HECW1: variants seen among roughly 807,000 people sequenced by gnomAD.
HECW1 encodes E3 ubiquitin-protein ligase HECW1.
Under a neutral mutation model 182.3 loss-of-function variants are expected in HECW1, and 61 were observed. That is an observed-to-expected ratio of 0.33 (90% CI 0.27 to 0.41). The LOEUF (loss-of-function observed/expected upper bound fraction) is 0.41, where lower values mean the gene tolerates loss of function less well. Ranked by LOEUF, HECW1 falls within the 10% of genes least tolerant of loss-of-function variation. HECW1 has a pLI of 1.00. For synonymous variants in HECW1, 859 were observed against 832.6 expected (o/e 1.03, Z -0.55); for missense variants, 1,739 against 2,108.9 (o/e 0.82, Z 3.44).
intron 2 of HECW1, among the ~76,000 whole-genome samples, chr7:43,183,042 C>T (rs1793023289): frequency 6.6e-6 from 1 of 152,122 alleles, no homozygotes; most frequent in South Asian, 2.1e-4. Context: ...ATCACTATAT[C>T]TTTATTTTAA....
chr7:43,518,832 A>C (rs1314567683), intron 24 of HECW1, among the ~76,000 whole-genome samples: 1 of 152,206 alleles, frequency 6.6e-6, no homozygotes, highest in Non-Finnish European at 1.5e-5. Flanking sequence ...ATAACGATCA[A>C]ATTGCCAAAA....
At chr7:43,463,336 T>G (rs1276664219) in intron 13 of HECW1, among the ~76,000 whole-genome samples, 7 of 152,210 alleles carry the variant, frequency 4.6e-5, no homozygotes, top group Non-Finnish European at 5.9e-5. Context: ...TTAATTTACT[T>G]CCCACACTCT....
At chr7:43,332,198 A>AAAAT (rs757716420) in intron 5 of HECW1, among the ~76,000 whole-genome samples, 13 of 152,198 alleles carry the variant, frequency 8.5e-5, no homozygotes, top group Non-Finnish European at 1.5e-4. Flanking sequence ...GATCTCTACA[A>AAAAT]AAATAAATAA....
At chr7:43,426,428 GA>G (rs1562962735) in intron 8 of HECW1, among the ~76,000 whole-genome samples, 1 of 152,170 alleles carries the variant, frequency 6.6e-6, no homozygotes, top group Non-Finnish European at 1.5e-5. Flanking sequence ...TGACCAAGGA[GA>G]AAGGGTCTCT....
At chr7:43,522,215 T>C (rs10487674) in intron 24 of HECW1, 17,680 of 152,222 alleles carry the variant, frequency 0.12, 1,231 homozygotes, top group East Asian at 0.37. Context: ...CATATTAGAC[T>C]TCTCTGATTA....
At chr7:43,250,032 A>T (rs1050002554) in intron 3 of HECW1, among the ~76,000 whole-genome samples, 2 of 151,752 alleles carry the variant, frequency 1.3e-5, no homozygotes, top group Non-Finnish European at 2.9e-5. Flanking sequence ...TCAGACAATA[A>T]CTCAGTATTT....
At chr7:43,383,961 G>T (rs911499576) in intron 6 of HECW1, among the ~76,000 whole-genome samples, 3 of 152,182 alleles carry the variant, frequency 2.0e-5, no homozygotes, top group Non-Finnish European at 2.9e-5. Flanking sequence ...AGTGGAAGTG[G>T]ATCATCATAA....
intron 24 of HECW1, among the ~76,000 whole-genome samples, chr7:43,526,630 C>T (rs944738664): frequency 6.6e-6 from 1 of 152,208 alleles, no homozygotes; most frequent in Non-Finnish European, 1.5e-5. Context: ...CATTGCCATT[C>T]CTGTATTCTC....
At chr7:43,320,891 T>C in intron 5 of HECW1, 149 bp downstream of exon 5, 1 of 673,144 alleles carries the variant, frequency 1.5e-6, no homozygotes, top group Non-Finnish European at 2.6e-6. Context: ...TAAAAAGATG[T>C]TCAGTAGTAA....
At chr7:43,335,608 A>G (rs1334420520) in intron 5 of HECW1, among the ~76,000 whole-genome samples, 4 of 152,264 alleles carry the variant, frequency 2.6e-5, no homozygotes, top group Non-Finnish European at 4.4e-5. Flanking sequence ...AACTCAGTCT[A>G]TGATATTTTT....
intron 2 of HECW1, among the ~76,000 whole-genome samples, chr7:43,230,853 C>T (rs1251643562): frequency 6.6e-6 from 1 of 152,070 alleles, no homozygotes; most frequent in African/African-American, 2.4e-5. Context: ...ATTCATACAA[C>T]TTCTCTGTAA....
chr7:43,488,478 AAGAAAGAAAG>A (rs1312516747), intron 17 of HECW1, among the ~76,000 whole-genome samples: 7 of 147,970 alleles, frequency 4.7e-5, no homozygotes, highest in African/African-American at 1.8e-4. Flanking sequence ...GAAAGAAAGA[AAGAAAGAAAG>A]AGAAAGAAAG....
chr7:43,513,966 G>A (rs2080005729), intron 24 of HECW1, among the ~76,000 whole-genome samples: 1 of 152,104 alleles, frequency 6.6e-6, no homozygotes, highest in African/African-American at 2.4e-5. Flanking sequence ...GCCACAGCAG[G>A]GCAAAGCAGG....
intron 8 of HECW1, among the ~76,000 whole-genome samples, chr7:43,430,779 T>TTTATTA (rs150459406): frequency 4.2e-5 from 6 of 141,718 alleles, no homozygotes; most frequent in African/African-American, 7.8e-5. Context: ...TTTATTTTTC[T>TTTATTA]TTATTATTAT....
chr7:43,227,827 A>G (rs1168534068), intron 2 of HECW1, among the ~76,000 whole-genome samples: 2 of 152,266 alleles, frequency 1.3e-5, no homozygotes, highest in African/African-American at 4.8e-5. Context: ...CAATACATCC[A>G]TGAAACTGCA....
chr7:43,465,555 G>A (rs752467057), intron 14 of HECW1, among the ~76,000 whole-genome samples: 6 of 152,180 alleles, frequency 3.9e-5, no homozygotes, highest in Non-Finnish European at 8.8e-5. Context: ...GAACTGACCC[G>A]TTGTCACTTC....
intron 8 of HECW1, among the ~76,000 whole-genome samples, chr7:43,419,279 C>G: frequency 6.6e-6 from 1 of 152,196 alleles, no homozygotes; most frequent in East Asian, 1.9e-4. Context: ...GCAAAGATCC[C>G]ACTGTGAAGA....
chr7:43,285,135 A>T (rs1804462887), intron 3 of HECW1, among the ~76,000 whole-genome samples: 1 of 152,136 alleles, frequency 6.6e-6, no homozygotes, highest in South Asian at 2.1e-4. Flanking sequence ...GGGTCTTGCT[A>T]GGACAATATT....
At chr7:43,198,550 C>G (rs1478633580) in intron 2 of HECW1, among the ~76,000 whole-genome samples, 2 of 150,662 alleles carry the variant, frequency 1.3e-5, no homozygotes, top group Non-Finnish European at 3.0e-5. Flanking sequence ...CACACTCTCA[C>G]ACACCCTTCA....
Sources: gnomAD v4.1 joint callset for allele counts (sites outside exome capture counted in the v4.1 genomes callset) on GRCh38, gnomAD v4.1.1 for gene constraint, MANE v1.5 for transcripts, NCBI Gene and HGNC (gene_info 2026-07-23, HGNC 2026-07-21) for gene names.